The following HERC1 variants were observed in gnomAD, a reference collection of about 807,000 sequenced individuals.
HERC1 encodes the protein HECT and RLD domain containing E3 ubiquitin protein ligase family member 1.
Under a neutral mutation model 554.3 loss-of-function variants are expected in HERC1, and 160 were observed. The observed-to-expected ratio is 0.29, with a 90% CI of 0.25 to 0.33. The LOEUF is 0.33. Among genes scored for constraint, HERC1 ranks in the 10% least tolerant of loss-of-function variants. The pLI, the probability that HERC1 is intolerant of heterozygous loss-of-function variation, is 1.00. For synonymous variants in HERC1, 2,175 were observed against 2,131.7 expected, an observed-to-expected ratio of 1.02 and a Z score of -0.56; for missense variants, 4,919 against 5,918.5, an observed-to-expected ratio of 0.83 and a Z score of 5.54.
chr15:63,817,790 C>T (rs1327274315), intron 1 of HERC1, among the ~76,000 whole-genome samples: 1 of 152,012 alleles, frequency 6.6e-6, no homozygotes, highest in Non-Finnish European at 1.5e-5. Flanking sequence ...AACAAGACTG[C>T]CTATGAGTTG....
At position 63,686,526 on chromosome 15, in the gene HERC1, C is replaced by T. The variant is rs767010122; in HGVS notation, c.6058G>A (p.Glu2020Lys). Reference sequence around the variant, plus strand: ...AGATTCTCATCTTCTTCTTCCAACTCGCCCTGCTTCTACCAGAAAAGAAGC... The same window carrying T: ...AGATTCTCATCTTCTTCTTCCAACTTGCCCTGCTTCTACCAGAAAAGAAGC... ...EQEIKLQKQG[E>K]LEEEDENLPI... is the part of the protein sequence containing the mutation. The change falls in exon 34 of 78, where the codon GAG becomes AAG. Residue 2020 changes from glutamate to lysine, a missense_variant. Glu to Lys is a moderately conservative substitution (Grantham distance 56). Around this residue, in one of 11 missense-constraint regions of HERC1, gnomAD observed 1,121 missense variants for 1,244.0 expected, o/e 0.90. Coordinates refer to ENST00000443617, the MANE Select transcript of HERC1 (RefSeq NM_003922.4). The T allele has an allele frequency of 9.9e-6, 16 of 1,612,116 alleles. 1 individual carries two copies. Among genetic ancestry groups the T allele is most frequent in the South Asian group, 4.4e-5 (4 of 90,648 alleles).
At chr15:63,818,656 AATC>A (rs1480348239) in intron 1 of HERC1, among the ~76,000 whole-genome samples, 2 of 152,198 alleles carry the variant, frequency 1.3e-5, no homozygotes, top group Non-Finnish European at 2.9e-5. Context: ...AGTTTTGAAA[AATC>A]CTTCTTAATA....
intron 1 of HERC1, among the ~76,000 whole-genome samples, chr15:63,820,375 A>C (rs567624327): frequency 4.5e-4 from 69 of 152,342 alleles, no homozygotes; most frequent in African/African-American, 1.5e-3. Context: ...ATACTTGGTT[A>C]TATAACAAAG....
At chr15:63,811,740 T>A (rs1460164374) in intron 1 of HERC1, among the ~76,000 whole-genome samples, 1 of 135,312 alleles carries the variant, frequency 7.4e-6, no homozygotes, top group Non-Finnish European at 1.5e-5. Flanking sequence ...ACCCAGAAGG[T>A]GGAGCTTGCA....
At chr15:63,623,591 A>G in intron 73 of HERC1, 134 bp downstream of exon 73, 2 of 832,070 alleles carry the variant, frequency 2.4e-6, no homozygotes, top group Non-Finnish European at 3.8e-6. Context: ...CACTAACAGC[A>G]TCACTTTATA....
intron 1 of HERC1, among the ~76,000 whole-genome samples, chr15:63,787,349 G>A (rs1398007733): frequency 6.6e-6 from 1 of 151,290 alleles, no homozygotes; most frequent in Non-Finnish European, 1.5e-5. Flanking sequence ...TAGAGGCAGG[G>A]TTTCACAATG....
At chr15:63,823,050 A>G (rs1187787580) in intron 1 of HERC1, among the ~76,000 whole-genome samples, 1 of 152,186 alleles carries the variant, frequency 6.6e-6, no homozygotes, top group Non-Finnish European at 1.5e-5. Context: ...AGTTTGTTAT[A>G]TAAGTAAACT....
Position 63,727,770 on chromosome 15 carries a change from C to A in HERC1, c.3223G>T (p.Val1075Leu). The change falls in exon 17 of 78, where the codon GTG (valine) becomes TTG (leucine). Residue 1075 changes from valine to leucine, a missense_variant. By Grantham distance (32) the Val-to-Leu change is conservative (BLOSUM62 1). Transcript: ENST00000443617. The surrounding 1 kb of genome is among the most constrained non-coding windows in gnomAD (Gnocchi z 4.3). ...CTCAATAAAGGCCGAGCCACTGACA[C>A]AGGGAGTAACAGCAGGGAGTTAACA... ...QIVNSLLLLPVSVARPLLSYL... is the reference protein window; with the variant it reads ...QIVNSLLLLPLSVARPLLSYL... 6.2e-7 allele frequency: 1 copy of A among 1,613,922 alleles called. No homozygotes were observed.
At chr15:63,789,834 A>AAATAAATAAATAAATC (rs1567130354) in intron 1 of HERC1, among the ~76,000 whole-genome samples, 2 of 149,898 alleles carry the variant, frequency 1.3e-5, no homozygotes, top group Non-Finnish European at 3.0e-5. Flanking sequence ...ATAAATAAAT[A>AAATAAATAAATAAATC]AATGTATTAT....
rs150502906 is a variant in HERC1, at chr15:63,743,542, C to T, written c.2520+3376G>A. Among the ~76,000 whole-genome samples, 69 of 152,164 alleles carry T rather than the reference C, an allele frequency of 4.5e-4. 2 individuals carry two copies. The East Asian group carries it at 0.013, about 29-fold the overall frequency. On this transcript the variant is annotated intron_variant, in intron 12 of 77. Coordinates refer to ENST00000443617, the MANE Select transcript of HERC1 (RefSeq NM_003922.4). The stretch of plus-strand genomic sequence containing the variant: ...CCTCCAAAAGTGCTGGGATTACAGG[C>T]GTGAGCCACCATGCCCAGCTCACTA...
In HERC1 at chr15:63,623,647, GGC is replaced by G; in HGVS notation, c.13611+76_13611+77del. On this transcript the variant is annotated intron_variant, in intron 73 of 77. Transcript: ENST00000443617. ...TTGCTACATTTATAAAAACATGCCT[GGC>G]AGAGTGATCACTGGAAACAGCAAAA... The G allele has an allele frequency of 1.4e-5, 19 of 1,335,366 alleles. No homozygotes were observed. The South Asian group carries it at 2.3e-4, about 16-fold the overall frequency. The allele number at this position is 1,335,366 out of a possible 1,614,324, so 82.7% of individuals were successfully genotyped here. A position where few individuals can be genotyped will look rare whatever the true frequency, so the allele number is the denominator to read the frequency against.
intron 1 of HERC1, among the ~76,000 whole-genome samples, chr15:63,824,787 A>G (rs2077828305): frequency 6.6e-6 from 1 of 152,038 alleles, no homozygotes; most frequent in African/African-American, 2.4e-5. Context: ...CCTGCCATTT[A>G]CAACAAAACA....
In HERC1 at chr15:63,736,520, C is replaced by T. The variant is rs538948841; in HGVS notation, c.2521-1671G>A. Among the ~76,000 whole-genome samples, 6 of 152,296 alleles carry T rather than the reference C, an allele frequency of 3.9e-5. No individual in the cohort carries two copies. The East Asian group carries it at 9.6e-4, about 24-fold the overall frequency. On this transcript the variant is annotated intron_variant, in intron 12 of 77. Coordinates refer to ENST00000443617, the MANE Select transcript of HERC1 (RefSeq NM_003922.4). ...TATTACCTTCCCCTAAAATATAGCC[C>T]AGTCACATCAATCTACAATAAATTT...
intron 37 of HERC1, 158 bp from the exon 38 acceptor site, chr15:63,675,275 G>A (rs1353598188): frequency 5.4e-6 from 3 of 558,654 alleles, no homozygotes; most frequent in East Asian, 6.0e-5. Flanking sequence ...AGAGAAAAAC[G>A]AGTCTATTAT....
intron 1 of HERC1, among the ~76,000 whole-genome samples, chr15:63,833,425 CCAG>C (rs1177453081): frequency 6.6e-6 from 1 of 152,166 alleles, no homozygotes; most frequent in Admixed American, 6.5e-5. Context: ...GGACCGAGCC[CCAG>C]CCGGGGCAGA....
intron 34 of HERC1, among the ~76,000 whole-genome samples, chr15:63,682,867 G>T (rs1473635295): frequency 1.3e-5 from 2 of 151,676 alleles, no homozygotes; most frequent in African/African-American, 4.8e-5. Flanking sequence ...TGGGCACAAT[G>T]GCTCATGCCT....
At position 63,774,984 on chromosome 15, in the gene HERC1, T is replaced by C; in HGVS notation, c.640A>G (p.Ile214Val). Residue 214 changes from isoleucine to valine, a missense_variant, in exon 2 of 78, where the codon ATT becomes GTT. Physicochemically the swap from Ile to Val is conservative, Grantham distance 29. Around this residue, in one of 11 missense-constraint regions of HERC1, gnomAD observed 744 missense variants for 1,090.0 expected, o/e 0.68. Coordinates refer to ENST00000443617, the MANE Select transcript of HERC1 (RefSeq NM_003922.4). ...PPLSLANESKIPPMGLDCLSQ... is the reference protein window; with the variant it reads ...PPLSLANESKVPPMGLDCLSQ... ...AAGCAGTCCAAGCCCATAGGAGGAA[T>C]CTTGCTTTCATTTGCTAATGATAAT... 1 of 1,614,042 alleles carries C rather than the reference T, an allele frequency of 6.2e-7. No homozygotes were observed. Among genetic ancestry groups the C allele is most frequent in the Non-Finnish European group, 8.5e-7 (1 of 1,179,896 alleles).
At chr15:63,679,195 T>A (rs1858162807) in intron 36 of HERC1, among the ~76,000 whole-genome samples, 1 of 152,154 alleles carries the variant, frequency 6.6e-6, no homozygotes, top group South Asian at 2.1e-4. Context: ...AGAAACTACT[T>A]TGGGCTGCAA....
chr15:63,685,290 T>C (rs2071690046), intron 34 of HERC1, among the ~76,000 whole-genome samples: 1 of 152,246 alleles, frequency 6.6e-6, no homozygotes, highest in South Asian at 2.1e-4. Flanking sequence ...CAGACTGAAC[T>C]GGGAGCACAG....
Sources: gnomAD v4.1 joint callset for allele counts (sites outside exome capture counted in the v4.1 genomes callset) on GRCh38, gnomAD v4.1.1 for gene constraint, gnomAD v4.1.1 regional missense constraint, Gnocchi (gnomAD v3.1) non-coding constraint, MANE v1.5 for transcripts, NCBI Gene and HGNC (gene_info 2026-07-23, HGNC 2026-07-21) for gene names.